PSMF1: variants seen among roughly 807,000 people sequenced by gnomAD.
The protein encoded by PSMF1 is proteasome inhibitor subunit 1.
In PSMF1, 30 loss-of-function variants were observed where a neutral mutation model predicts 29.3. The observed-to-expected ratio is 1.02, with a 90% CI of 0.77 to 1.39. The LOEUF is 1.39. Among genes scored for constraint, PSMF1 ranks in the 40% most tolerant of loss-of-function variants. PSMF1 has a pLI of 0.00. For synonymous variants in PSMF1, 134 were observed against 139.7 expected (o/e 0.96, Z 0.29); for missense variants, 344 against 357.5 (o/e 0.96, Z 0.31).
rs1385914251 is a variant in PSMF1, at chr20:1,164,108, G to A, written c.606-210G>A. 6.6e-6 allele frequency among the ~76,000 whole-genome samples: 1 copy of A among 152,142 alleles called. No individual in the cohort carries two copies. ...AGAACCAACCCCTGCAGAGCCAGAA[G>A]TACTCAGCTGTGAGGTATGCTCTTC... On this transcript the variant is annotated intron_variant, in intron 5 of 6. Transcript: ENST00000335877. This position sits in a 1 kb window ranked among gnomAD's most constrained non-coding sequence, Gnocchi z 4.1.
At position 1,165,561 on chromosome 20, in the gene PSMF1, T is replaced by G; in HGVS notation, c.*481T>G. On this transcript the variant is annotated 3_prime_UTR_variant, in exon 7 of 7. Coordinates refer to ENST00000335877, the MANE Select transcript of PSMF1 (RefSeq NM_006814.5). ...GAGTTTCTGTAGGGCTGAATGACTC[T>G]TTTTCCTGCCCAGGGCCCATTCTTG... 1 of 995,694 alleles carries G rather than the reference T, an allele frequency of 1.0e-6. No individual in the cohort carries two copies. The highest frequency in any genetic ancestry group is 1.2e-6 in the Non-Finnish European group (1 of 836,110). The allele number at this position is 995,694 out of a possible 1,614,324, so 61.7% of individuals were successfully genotyped here.
intron 1 of PSMF1, among the ~76,000 whole-genome samples, chr20:1,122,720 A>T (rs1245216582): frequency 2.6e-5 from 4 of 152,212 alleles, no homozygotes; most frequent in Non-Finnish European, 5.9e-5. Context: ...GGGCAGTTGC[A>T]GACCATGTTT....
At chr20:1,127,536 G>GT in intron 3 of PSMF1, 28 bp downstream of exon 3, 2 of 1,522,606 alleles carry the variant, frequency 1.3e-6, no homozygotes, top group Non-Finnish European at 1.8e-6. Context: ...CTCTTCCCTG[G>GT]GAAAAAGAAG....
intron 4 of PSMF1, among the ~76,000 whole-genome samples, chr20:1,141,409 T>C (rs998301295): frequency 6.6e-6 from 1 of 152,212 alleles, no homozygotes; most frequent in Non-Finnish European, 1.5e-5. Context: ...TATATAATGA[T>C]AGAAATTATT....
chr20:1,145,756 T>C (rs1247926765), intron 4 of PSMF1, among the ~76,000 whole-genome samples: 1 of 152,154 alleles, frequency 6.6e-6, no homozygotes, highest in Non-Finnish European at 1.5e-5. Context: ...TTGGGGAACA[T>C]GTGGATATTC....
At position 1,165,914 on chromosome 20, in the gene PSMF1, CTTAGGGCCTTGTGCCA is replaced by C. The variant is rs2086723940; in HGVS notation, c.*835_*850del. On this transcript the variant is annotated 3_prime_UTR_variant, in exon 7 of 7. Transcript: ENST00000335877. ...TGACCCTAAGCAAGTTCCTTCTCCT[CTTAGGGCCTTGTGCCA>C]AGCCTATGAAATTGGAGGTGGCTTT... The C allele has an allele frequency of 7.6e-7, 1 of 1,310,600 alleles. No individual in the cohort carries two copies. Among genetic ancestry groups the C allele is most frequent in the South Asian group, 1.8e-5 (1 of 54,582 alleles). 81.2% of individuals were successfully genotyped at this position (1,310,600 alleles called of 1,614,324 possible). A position where few individuals can be genotyped will look rare whatever the true frequency, so the allele number is the denominator to read the frequency against.
chr20:1,140,390 A>G (rs1267743062), intron 4 of PSMF1, among the ~76,000 whole-genome samples: 2 of 152,232 alleles, frequency 1.3e-5, no homozygotes, highest in Non-Finnish European at 2.9e-5. Context: ...ACAATTGGAT[A>G]TCTACATGCA....
At chr20:1,122,752 G>A (rs954289224) in intron 1 of PSMF1, among the ~76,000 whole-genome samples, 28 of 152,158 alleles carry the variant, frequency 1.8e-4, no homozygotes, top group African/African-American at 6.8e-4. Context: ...GCCAGGGTCT[G>A]TCCTCTGTTT....
rs1227107359 is a variant in PSMF1 at position 1,125,634 on chromosome 20, T to C, written c.266T>C (p.Met89Thr). 1 of 1,612,748 alleles carries C rather than the reference T, an allele frequency of 6.2e-7. No individual in the cohort carries two copies. The highest frequency in any genetic ancestry group is 1.7e-5 in the Admixed American group (1 of 59,842). Residue 89 changes from methionine (M) to threonine (T), a missense_variant, in exon 2 of 7, where the codon ATG becomes ACG. By Grantham distance (81) the Met-to-Thr change is moderately conservative (BLOSUM62 -1). Coordinates refer to ENST00000335877, the MANE Select transcript of PSMF1 (RefSeq NM_006814.5). ...AAAGCCATCACCGTGGAGAGCAGCA[T>C]GATCCTCAATGTGCTGGTGAGTCTC... is the stretch of plus-strand genomic sequence containing the variant. ...LVKAITVESS[M>T]ILNVLEYGSQ...
In PSMF1 at chr20:1,147,176, T is replaced by TCATCACCAC. The variant is rs1248666704; in HGVS notation, c.551+11872_551+11873insTCACCACCA. On this transcript the variant is annotated intron_variant, in intron 4 of 6. Transcript: ENST00000335877. ...ATCATCATCATCATCATCATCATCA[T>TCATCACCAC]CACCACCCTGTGTTGAGGACAGAAG... 2.7e-3 allele frequency among the ~76,000 whole-genome samples: 358 copies of TCATCACCAC among 132,438 alleles called. 1 individual carries two copies. The highest frequency in any genetic ancestry group is 8.4e-3 in the Admixed American group (119 of 14,126). 86.9% of individuals were successfully genotyped at this position (132,438 alleles called of 152,430 possible).
intron 4 of PSMF1, among the ~76,000 whole-genome samples, chr20:1,143,122 A>T (rs2086404726): frequency 6.6e-6 from 1 of 152,266 alleles, no homozygotes; most frequent in Non-Finnish European, 1.5e-5. Flanking sequence ...AAAAATCCCA[A>T]CAAGAATTTC....
chr20:1,163,100 C>G lies in PSMF1; in HGVS notation c.552-30C>G. The G allele has an allele frequency of 6.2e-7, 1 of 1,613,518 alleles. No individual in the cohort carries two copies. Reference sequence around the variant, plus strand: ...TATCAGGTGCCTGGCTGCTCTGGGACTTGCAGTAATTGTCTCTTGTTTGTT... The same window carrying G: ...TATCAGGTGCCTGGCTGCTCTGGGAGTTGCAGTAATTGTCTCTTGTTTGTT... On this transcript the variant is annotated intron_variant, in intron 4 of 6. Transcript: ENST00000335877. The surrounding 1 kb of genome is among the most constrained non-coding windows in gnomAD (Gnocchi z 6.1).
At chr20:1,154,285 TTTTTTCTTTCTG>T (rs995051916) in intron 4 of PSMF1, among the ~76,000 whole-genome samples, 3 of 151,636 alleles carry the variant, frequency 2.0e-5, no homozygotes, top group African/African-American at 7.3e-5. Context: ...TTTATGTATA[TTTTTTCTTTCTG>T]TTTTTCTTTC....
intron 2 of PSMF1, among the ~76,000 whole-genome samples, chr20:1,127,123 G>A (rs762965459): frequency 2.2e-4 from 33 of 152,108 alleles, no homozygotes; most frequent in Non-Finnish European, 2.4e-4. Flanking sequence ...CTGCATCTCC[G>A]TGTTGCTCAC....
Position 1,150,883 on chromosome 20 carries a change from A to G in PSMF1, c.552-12247A>G, listed in dbSNP as rs1259705541. Among the ~76,000 whole-genome samples, 7 of 152,200 alleles carry G rather than the reference A, an allele frequency of 4.6e-5. No individual in the cohort carries two copies. The South Asian group carries it at 8.3e-4, about 18-fold the overall frequency. ...GAGAAATCCTCATATATTTTCTCCT[A>G]GAAGCTTTAATGGTTTACCTTTTAT... On this transcript the variant is annotated intron_variant, in intron 4 of 6. Coordinates refer to ENST00000335877, the MANE Select transcript of PSMF1 (RefSeq NM_006814.5).
rs572852359 is a variant in PSMF1 at position 1,163,268 on chromosome 20, C to T, written c.605+85C>T. On this transcript the variant is annotated intron_variant, in intron 5 of 6. Coordinates refer to ENST00000335877, the MANE Select transcript of PSMF1 (RefSeq NM_006814.5). This position sits in a 1 kb window ranked among gnomAD's most constrained non-coding sequence, Gnocchi z 6.1. ...GCTCATCTTCTAATTTTAGAGTTTT[C>T]GGTCAGTCTCTTCCTTTGGGGTGGA... is the stretch of plus-strand genomic sequence containing the variant. 27 of 1,465,408 alleles carry T rather than the reference C, an allele frequency of 1.8e-5. No individual in the cohort carries two copies. Among genetic ancestry groups the T allele is most frequent in the East Asian group, 2.3e-5 (1 of 42,888 alleles). 90.8% of individuals were successfully genotyped at this position (1,465,408 alleles called of 1,614,324 possible).
At chr20:1,161,079 G>A (rs116512461) in intron 4 of PSMF1, 35 of 482,472 alleles carry the variant, frequency 7.3e-5, no homozygotes, top group African/African-American at 6.7e-4. Context: ...ATCTACAAGG[G>A]CTATGCCCTC....
rs2072965 is a variant in PSMF1 at position 1,165,492 on chromosome 20, T to C, written c.*412T>C. The C allele has an allele frequency of 0.35, 352,380 of 1,019,528 alleles. 63,339 individuals are homozygous for C. Among genetic ancestry groups the C allele is most frequent in the East Asian group, 0.66 (6,642 of 10,074 alleles). 63.2% of individuals were successfully genotyped at this position (1,019,528 alleles called of 1,614,324 possible). Reference sequence around the variant, plus strand: ...GTTGCCGGTTTCCCACTTTTCTTTTTACATTAATGCATAGCTGCTTCCATT... The same window carrying C: ...GTTGCCGGTTTCCCACTTTTCTTTTCACATTAATGCATAGCTGCTTCCATT... On this transcript the variant is annotated 3_prime_UTR_variant, in exon 7 of 7. Coordinates refer to ENST00000335877, the MANE Select transcript of PSMF1 (RefSeq NM_006814.5).
In PSMF1 at chr20:1,135,173, A is replaced by G; in HGVS notation, c.418A>G (p.Thr140Ala). 6.2e-7 allele frequency: 1 copy of G among 1,614,058 alleles called. No individual in the cohort carries two copies. Among genetic ancestry groups the G allele is most frequent in the Non-Finnish European group, 8.5e-7 (1 of 1,179,996 alleles). Residue 140 changes from threonine to alanine, a missense_variant, in exon 4 of 7, where the codon ACA becomes GCA. By Grantham distance (58) the Thr-to-Ala change is moderately conservative. Transcript: ENST00000335877. ...GTCTCGTATTGTGTCTGGAATCATC[A>G]CACCTATCCATGAGCAGTGGGAAAA... ...LRSRIVSGII[T>A]PIHEQWEKAN...
Sources: allele counts gnomAD v4.1 joint callset (sites outside exome capture counted in the v4.1 genomes callset), GRCh38; gene constraint gnomAD v4.1.1; non-coding constraint Gnocchi (gnomAD v3.1); transcripts MANE v1.5; gene names NCBI Gene and HGNC (gene_info 2026-07-23, HGNC 2026-07-21).